BCKDK: variants seen among roughly 807,000 people sequenced by gnomAD.
The protein encoded by BCKDK is branched-chain alpha-ketoacid dehydrogenase kinase.
In BCKDK, 28 loss-of-function variants were observed where a neutral mutation model predicts 43.9. That is an observed-to-expected ratio of 0.64 (90% CI 0.47 to 0.87). The LOEUF (loss-of-function observed/expected upper bound fraction) is 0.87, where lower values mean the gene tolerates loss of function less well. BCKDK is among the 40% of genes least tolerant of loss of function. The probability of loss-of-function intolerance (pLI) is 0.00; values close to 1 mark genes in which losing one functional copy is unlikely to be tolerated. For missense variants in BCKDK, 483 were observed against 581.4 expected (o/e 0.83, Z 1.74); for synonymous variants, 257 against 234.3 (o/e 1.10, Z -0.88).
In BCKDK at chr16:31,109,560, A is replaced by G; in HGVS notation, c.245A>G (p.Gln82Arg). The G allele has an allele frequency of 6.2e-7, 1 of 1,614,096 alleles. No homozygotes were observed. Among genetic ancestry groups the G allele is most frequent in the Non-Finnish European group, 8.5e-7 (1 of 1,180,006 alleles). ...ATGATGCTCTACGCTGGCCGCTCTC[A>G]GGACGGCAGCCACCTTCTGGTAAGA... ...PTMMLYAGRS[Q>R]DGSHLLKSAR... is the part of the protein sequence containing the mutation. Residue 82 changes from glutamine to arginine, a missense_variant, in exon 3 of 12, where the codon CAG (glutamine) becomes CGG (arginine). Gln to Arg is a conservative substitution (Grantham distance 43). Transcript: ENST00000219794. This position sits in a 1 kb window ranked among gnomAD's most constrained non-coding sequence, Gnocchi z 5.3.
Position 31,111,208 on chromosome 16 carries a change from G to A in BCKDK, c.834G>A (p.Lys278=), listed in dbSNP as rs202116337. 1.9e-6 allele frequency: 3 copies of A among 1,614,186 alleles called. No individual in the cohort carries two copies. The highest frequency in any genetic ancestry group is 2.7e-5 in the African/African-American group (2 of 75,046). The part of the protein sequence containing the change: ...PLDYILPELL[K]NAMRATMESH... ...ACTACATCCTGCCGGAGCTGCTCAA[G>A]AATGCCATGAGGTGGGGTGGCTTGA... is the stretch of plus-strand genomic sequence containing the variant. Residue 278 remains lysine, a synonymous_variant, in exon 9 of 12, where the codon AAG becomes AAA. Transcript: ENST00000219794.
Position 31,109,195 on chromosome 16 carries a change from C to A in BCKDK, c.-29C>A, listed in dbSNP as rs773498072. The A allele has an allele frequency of 6.7e-7, 1 of 1,487,008 alleles. No individual in the cohort carries two copies. 92.1% of individuals were successfully genotyped at this position (1,487,008 alleles called of 1,614,324 possible). On this transcript the variant is annotated 5_prime_UTR_variant, in exon 2 of 12. Transcript: ENST00000219794. This position sits in a 1 kb window ranked among gnomAD's most constrained non-coding sequence, Gnocchi z 5.3. ...AGTCCTAGCGGATCCTCAGTCCTAG[C>A]GGCCACCGGGTCTGAAAGGAGCAAG...
chr16:31,114,683 C>T (rs1010369467), downstream of BCKDK, among the ~76,000 whole-genome samples: 5 of 152,144 alleles, frequency 3.3e-5, no homozygotes, highest in Non-Finnish European at 7.3e-5. Flanking sequence ...TTGCAATACA[C>T]TTGTATATTG....
At chr16:31,111,474 C>T in intron 10 of BCKDK, 85 bp downstream of exon 10, 1 of 1,430,906 alleles carries the variant, frequency 7.0e-7, no homozygotes, top group Non-Finnish European at 9.8e-7. Flanking sequence ...CCTTGAGCCC[C>T]TTCCTGCCCC....
Position 31,110,826 on chromosome 16 carries a change from C to T in BCKDK, c.716+65C>T, listed in dbSNP as rs1164072482. The T allele has an allele frequency of 2.6e-6, 4 of 1,554,342 alleles. No individual in the cohort carries two copies. Among genetic ancestry groups the T allele is most frequent in the South Asian group, 2.2e-5 (2 of 89,698 alleles). ...GGCAGGGAAGGCTTGGGTCTGAGCC[C>T]TTGCCCGGGGCATGATCTGCGGGGA... On this transcript the variant is annotated intron_variant, in intron 8 of 11. Transcript: ENST00000219794. This position sits in a 1 kb window ranked among gnomAD's most constrained non-coding sequence, Gnocchi z 5.4.
At chr16:31,117,563 G>A (rs567998224), downstream of BCKDK, 157 of 800,064 alleles carry the variant, frequency 2.0e-4, 2 homozygotes, top group South Asian at 5.2e-3. Context: ...GAAGCCAATC[G>A]GCTCCTGCTA....
Position 31,110,664 on chromosome 16 carries a change from T to G in BCKDK, c.643-24T>G, listed in dbSNP as rs758475834. Reference sequence around the variant, plus strand: ...GGGGTGGGGCTAGGGGCGTGGGTAGTCCTGACCTCCTTTCTCCGGCCAGCC... The same window carrying G: ...GGGGTGGGGCTAGGGGCGTGGGTAGGCCTGACCTCCTTTCTCCGGCCAGCC... On this transcript the variant is annotated intron_variant, in intron 7 of 11. Coordinates refer to ENST00000219794, the MANE Select transcript of BCKDK (RefSeq NM_005881.4). The surrounding 1 kb of genome is among the most constrained non-coding windows in gnomAD (Gnocchi z 5.4). The G allele has an allele frequency of 3.7e-6, 6 of 1,613,350 alleles. No homozygotes were observed. Among genetic ancestry groups the G allele is most frequent in the Non-Finnish European group, 5.1e-6 (6 of 1,179,364 alleles).
At chr16:31,114,896 T>A (rs979397583), downstream of BCKDK, among the ~76,000 whole-genome samples, 2 of 152,180 alleles carry the variant, frequency 1.3e-5, no homozygotes, top group African/African-American at 4.8e-5. Context: ...TCCTTTCCTT[T>A]CCTTTTCTTT....
rs1338950429 is a variant in BCKDK at position 31,112,007 on chromosome 16, C to G, written c.1074C>G (p.Ala358=). 6 of 1,614,014 alleles carry G rather than the reference C, an allele frequency of 3.7e-6. No individual in the cohort carries two copies. Among genetic ancestry groups the G allele is most frequent in the Non-Finnish European group, 5.1e-6 (6 of 1,180,038 alleles). ...LFGHLDMHSG[A]QSGPMHGFGF... ...GCCATCTGGACATGCATAGTGGCGC[C>G]CAGTCAGGACCCATGCACGGGTGAG... Residue 358 remains alanine (A), a synonymous_variant, in exon 11 of 12, where the codon GCC becomes GCG. Coordinates refer to ENST00000219794, the MANE Select transcript of BCKDK (RefSeq NM_005881.4). This position sits in a 1 kb window ranked among gnomAD's most constrained non-coding sequence, Gnocchi z 5.0.
At position 31,109,703 on chromosome 16, in the gene BCKDK, C is replaced by G; in HGVS notation, c.295C>G (p.Pro99Ala). 6.2e-7 allele frequency: 1 copy of G among 1,614,006 alleles called. No homozygotes were observed. The highest frequency in any genetic ancestry group is 2.2e-5 in the East Asian group (1 of 44,886). ...KSARYLQQEL[P>A]VRIAHRIKGF... ...TGCTCGGTACCTGCAGCAAGAACTT[C>G]CAGTGAGGATTGCTCACCGCATCAA... Residue 99 changes from proline to alanine, a missense_variant, in exon 4 of 12, where the codon CCA (proline) becomes GCA (alanine). By Grantham distance (27) the Pro-to-Ala change is conservative. Coordinates refer to ENST00000219794, the MANE Select transcript of BCKDK (RefSeq NM_005881.4). This position sits in a 1 kb window ranked among gnomAD's most constrained non-coding sequence, Gnocchi z 5.3.
rs1381365816 is a variant in BCKDK, at chr16:31,111,998, T to A, written c.1065T>A (p.His355Gln). 1 of 1,613,954 alleles carries A rather than the reference T, an allele frequency of 6.2e-7. No homozygotes were observed. The highest frequency in any genetic ancestry group is 8.5e-7 in the Non-Finnish European group (1 of 1,179,970). ...CCCTCTTTGGCCATCTGGACATGCA[T>A]AGTGGCGCCCAGTCAGGACCCATGC... ...ISPLFGHLDM[H>Q]SGAQSGPMHG... The change falls in exon 11 of 12, where the codon CAT (histidine) becomes CAA (glutamine). Residue 355 changes from histidine (H) to glutamine (Q), a missense_variant. Physicochemically the swap from His to Gln is conservative, Grantham distance 24. Transcript: ENST00000219794.
chr16:31,110,097 C>T lies in BCKDK; in HGVS notation c.396C>T (p.Ala132=), dbSNP rs1289244814. Residue 132 remains alanine (A), a synonymous_variant, in exon 5 of 12, where the codon GCC becomes GCT. Transcript: ENST00000219794. The surrounding 1 kb of genome is among the most constrained non-coding windows in gnomAD (Gnocchi z 5.4). ...ILHVHELYIR[A]FQKLTDFPPI... The stretch of plus-strand genomic sequence containing the variant: ...TGCAGCATGAGCTATATATCCGTGC[C>T]TTCCAGAAGCTGACAGACTTCCCTC... The T allele has an allele frequency of 3.7e-6, 6 of 1,614,054 alleles. No homozygotes were observed. In the Admixed American group the frequency reaches 1.0e-4, roughly 27 times the overall value.
downstream of BCKDK, among the ~76,000 whole-genome samples, chr16:31,116,832 G>A (rs190696422): frequency 6.6e-6 from 1 of 150,600 alleles, no homozygotes; most frequent in Non-Finnish European, 1.5e-5. Flanking sequence ...CAGGAGAATC[G>A]CTTGAACCCG....
Position 31,112,216 on chromosome 16 carries a change from A to G in BCKDK, c.1190A>G (p.Tyr397Cys). The G allele has an allele frequency of 1.2e-6, 2 of 1,611,932 alleles. No homozygotes were observed. Among genetic ancestry groups the G allele is most frequent in the Non-Finnish European group, 8.5e-7 (1 of 1,180,000 alleles). ...CTGCAGGGCATTGGCACGGACGTCT[A>G]CCTGCGGCTCCGCCACATCGATGGC... ...QSLQGIGTDV[Y>C]LRLRHIDGRE... The change falls in exon 12 of 12, where the codon TAC becomes TGC. Residue 397 changes from tyrosine to cysteine, a missense_variant. Coordinates refer to ENST00000219794, the MANE Select transcript of BCKDK (RefSeq NM_005881.4). The surrounding 1 kb of genome is among the most constrained non-coding windows in gnomAD (Gnocchi z 5.0).
chr16:31,113,620 T>C (rs1218150397), downstream of BCKDK, among the ~76,000 whole-genome samples: 1 of 152,162 alleles, frequency 6.6e-6, no homozygotes, highest in Non-Finnish European at 1.5e-5. Context: ...TGGACCATCA[T>C]GCCAGGCTAA....
rs368551386 is a variant in BCKDK, at chr16:31,111,156, G to A, written c.782G>A (p.Arg261Gln). The change falls in exon 9 of 12, where the codon CGG (arginine) becomes CAG (glutamine). Residue 261 changes from arginine (R) to glutamine (Q), a missense_variant. Transcript: ENST00000219794. ...RVRINGHVAA[R>Q]FPFIPMPLDY... is the part of the protein sequence containing the mutation. ...CGCATCAATGGCCATGTGGCTGCCC[G>A]GTTCCCCTTCATCCCTATGCCACTG... 8 of 1,614,142 alleles carry A rather than the reference G, an allele frequency of 5.0e-6. No individual in the cohort carries two copies. The highest frequency in any genetic ancestry group is 2.2e-5 in the East Asian group (1 of 44,888).
chr16:31,112,991 C>T (rs528727102), downstream of BCKDK, among the ~76,000 whole-genome samples: 1 of 152,274 alleles, frequency 6.6e-6, no homozygotes, highest in East Asian at 1.9e-4. This position sits in a 1 kb window ranked among gnomAD's most constrained non-coding sequence, Gnocchi z 5.0. Context: ...AAAGAACATA[C>T]AAGGTTGTGC....
At chr16:31,116,755 A>G (rs981396709), downstream of BCKDK, among the ~76,000 whole-genome samples, 5 of 92,170 alleles carry the variant, frequency 5.4e-5, no homozygotes, top group Non-Finnish European at 1.3e-4. Flanking sequence ...TCTCTCTACT[A>G]AAAATACAAA....
At chr16:31,115,395 G>C (rs1369120059), downstream of BCKDK, among the ~76,000 whole-genome samples, 1 of 151,520 alleles carries the variant, frequency 6.6e-6, no homozygotes, top group Non-Finnish European at 1.5e-5. Context: ...GGCTAATTTT[G>C]TATTTTTAGT....
Sources: allele counts gnomAD v4.1 joint callset (sites outside exome capture counted in the v4.1 genomes callset), GRCh38; gene constraint gnomAD v4.1.1; non-coding constraint Gnocchi (gnomAD v3.1); transcripts MANE v1.5; gene names NCBI Gene and HGNC (gene_info 2026-07-23, HGNC 2026-07-21).